Variants in PDE4D observed in about 807,000 individuals in gnomAD.
PDE4D encodes the protein phosphodiesterase 4D, also known as 3',5'-cyclic-AMP phosphodiesterase 4D.
In PDE4D, 24 loss-of-function variants were observed where a neutral mutation model predicts 87.4. The ratio of observed to expected loss-of-function variants is 0.27; its 90% CI spans 0.20 to 0.39. The LOEUF is 0.39. Among genes scored for constraint, PDE4D ranks in the 10% least tolerant of loss-of-function variants. The pLI is 1.00. For missense variants in PDE4D, 714 were observed against 1,041.0 expected, an observed-to-expected ratio of 0.69 and a Z score of 4.32; for synonymous variants, 384 against 383.2, an observed-to-expected ratio of 1.00 and a Z score of -0.02.
chr5:59,752,920 C>T (rs1760690677), intron 1 of PDE4D, among the ~76,000 whole-genome samples: 1 of 152,088 alleles, frequency 6.6e-6, no homozygotes, highest in Non-Finnish European at 1.5e-5. Context: ...TCCTACAGGG[C>T]AGGGATCGGC....
chr5:60,375,361 T>C lies in PDE4D; in HGVS notation c.-90+112581A>G, dbSNP rs558754053. On this transcript the variant is annotated intron_variant, in intron 1 of 16. Coordinates refer to the PDE4D transcript ENST00000502484. ...TATTTGTCTTTTTGGCATGCCTTAT[T>C]TGTACCAGGCACTATTTTAAGTGTT... Among the ~76,000 whole-genome samples, 5 of 152,326 alleles carry C rather than the reference T, an allele frequency of 3.3e-5. No individual in the cohort carries two copies. The East Asian group carries it at 9.6e-4, about 29-fold the overall frequency.
chr5:59,935,125 T>C (rs1028037148), intron 3 of PDE4D, among the ~76,000 whole-genome samples: 1 of 152,138 alleles, frequency 6.6e-6, no homozygotes, highest in South Asian at 2.1e-4. Flanking sequence ...ATCCAATCCA[T>C]TGGGCATAGA....
chr5:60,352,861 G>A (rs1759315832), intron 1 of PDE4D, among the ~76,000 whole-genome samples: 1 of 152,122 alleles, frequency 6.6e-6, no homozygotes, highest in Non-Finnish European at 1.5e-5. Context: ...TTATATTTGT[G>A]ATTATTTCTA....
At chr5:59,932,827 A>C (rs560953039) in intron 3 of PDE4D, among the ~76,000 whole-genome samples, 1 of 152,334 alleles carries the variant, frequency 6.6e-6, no homozygotes, top group Admixed American at 6.5e-5. Context: ...TAGTCAACAA[A>C]ATTGGGAAAT....
At chr5:58,979,413 C>T (rs1292729836) in intron 11 of PDE4D, among the ~76,000 whole-genome samples, 1 of 152,134 alleles carries the variant, frequency 6.6e-6, no homozygotes, top group Non-Finnish European at 1.5e-5. Context: ...TTTAAATGAA[C>T]AAATGTTAGC....
At chr5:59,503,649 T>A (rs1413753584) in intron 1 of PDE4D, among the ~76,000 whole-genome samples, 1 of 152,198 alleles carries the variant, frequency 6.6e-6, no homozygotes, top group Non-Finnish European at 1.5e-5. Flanking sequence ...ATTATTCTAC[T>A]GTGTTTCACT....
chr5:60,102,754 C>T (rs1776363260), intron 2 of PDE4D, among the ~76,000 whole-genome samples: 1 of 151,964 alleles, frequency 6.6e-6, no homozygotes, highest in Admixed American at 6.6e-5. Flanking sequence ...TGTTTGCAAC[C>T]ATGGGGTCAT....
intron 1 of PDE4D, among the ~76,000 whole-genome samples, chr5:59,515,466 T>C (rs895709995): frequency 6.6e-6 from 1 of 152,124 alleles, no homozygotes; most frequent in African/African-American, 2.4e-5. Context: ...AAAAGTGGTA[T>C]AAAATATAGA....
chr5:60,488,699 C>T (rs936939274), upstream of PDE4D, among the ~76,000 whole-genome samples: 4 of 152,012 alleles, frequency 2.6e-5, no homozygotes, highest in African/African-American at 9.7e-5. Flanking sequence ...TTCACCCACC[C>T]ACAGAAAGAA....
intron 1 of PDE4D, among the ~76,000 whole-genome samples, chr5:59,389,781 A>T (rs569031705): frequency 3.9e-5 from 6 of 152,130 alleles, no homozygotes; most frequent in Admixed American, 3.9e-4. Flanking sequence ...GTTGTCACTC[A>T]TATGTGGGAG....
At chr5:59,359,553 T>C (rs759160417) in intron 1 of PDE4D, among the ~76,000 whole-genome samples, 6 of 152,116 alleles carry the variant, frequency 3.9e-5, no homozygotes, top group Non-Finnish European at 8.8e-5. Context: ...CAATATTGTT[T>C]TTGAAGAACT....
At chr5:60,313,955 A>G (rs753425928) in intron 1 of PDE4D, among the ~76,000 whole-genome samples, 2 of 152,154 alleles carry the variant, frequency 1.3e-5, no homozygotes, top group Non-Finnish European at 2.9e-5. Flanking sequence ...AATAACAACC[A>G]TCTATAACAA....
At chr5:60,282,165 T>A (rs1422071363) in intron 1 of PDE4D, among the ~76,000 whole-genome samples, 2 of 148,924 alleles carry the variant, frequency 1.3e-5, no homozygotes, top group East Asian at 3.9e-4. Context: ...CAGAAATTCA[T>A]GTGATACAGA....
chr5:59,548,554 T>A (rs189275923), intron 1 of PDE4D, among the ~76,000 whole-genome samples: 1 of 152,204 alleles, frequency 6.6e-6, no homozygotes, highest in Admixed American at 6.6e-5. Context: ...AACCCTTAAT[T>A]AATAAATAAA....
At chr5:59,174,548 G>A (rs1783522254) in intron 5 of PDE4D, 1 of 152,574 alleles carries the variant, frequency 6.6e-6, no homozygotes, top group Non-Finnish European at 1.5e-5. Context: ...CTATGCCTCT[G>A]GGGTATAAGC....
intron 2 of PDE4D, among the ~76,000 whole-genome samples, chr5:60,120,081 ATCT>A (rs1401615778): frequency 3.9e-5 from 6 of 152,226 alleles, no homozygotes; most frequent in African/African-American, 7.2e-5. Flanking sequence ...ACAGAAAAAC[ATCT>A]TCTTATGGAA....
At chr5:59,287,567 A>C (rs1767207633) in intron 1 of PDE4D, among the ~76,000 whole-genome samples, 1 of 152,104 alleles carries the variant, frequency 6.6e-6, no homozygotes, top group Non-Finnish European at 1.5e-5. Flanking sequence ...TTGAGCAAAC[A>C]TAGGCAGGAG....
At chr5:59,347,051 G>A (rs558914259) in intron 1 of PDE4D, among the ~76,000 whole-genome samples, 60 of 152,260 alleles carry the variant, frequency 3.9e-4, no homozygotes, top group Non-Finnish European at 7.8e-4. Flanking sequence ...TTTCACTAGA[G>A]AATGTACTAA....
intron 1 of PDE4D, among the ~76,000 whole-genome samples, chr5:59,776,329 C>A (rs1228710504): frequency 6.6e-6 from 1 of 152,060 alleles, no homozygotes; most frequent in Non-Finnish European, 1.5e-5. Flanking sequence ...AAAATCTTAT[C>A]CTAGTGTTGA....
Sources: gnomAD v4.1 joint callset for allele counts (sites outside exome capture counted in the v4.1 genomes callset) on GRCh38, gnomAD v4.1.1 for gene constraint, MANE v1.5 for transcripts, NCBI Gene and HGNC (gene_info 2026-07-23, HGNC 2026-07-21) for gene names.